The following ADCK1 variants were observed in gnomAD, a reference collection of about 807,000 sequenced individuals.
The protein encoded by ADCK1 is aarF domain-containing protein kinase 1.
ADCK1 carries 41 observed loss-of-function variants against 52.3 expected under a neutral mutation model. That is an observed-to-expected ratio of 0.78 (90% CI 0.61 to 1.02). ADCK1 has a LOEUF of 1.02. Among genes scored for constraint, ADCK1 ranks in the 50% least tolerant of loss-of-function variants. ADCK1 has a pLI of 0.00. For synonymous variants in ADCK1, 250 were observed against 274.6 expected (o/e 0.91, Z 0.89); for missense variants, 658 against 679.5 (o/e 0.97, Z 0.35).
At chr14:77,908,708 A>C (rs1353801601) in intron 7 of ADCK1, among the ~76,000 whole-genome samples, 3 of 152,156 alleles carry the variant, frequency 2.0e-5, no homozygotes, top group African/African-American at 7.2e-5. Flanking sequence ...GATCATTTTA[A>C]TAGTGTCTGC....
intron 3 of ADCK1, among the ~76,000 whole-genome samples, chr14:77,824,415 CCTTTCTTT>C (rs1162665297): frequency 9.0e-4 from 136 of 150,764 alleles, no homozygotes; most frequent in African/African-American, 3.0e-3. Context: ...AATGTCTTTT[CCTTTCTTT>C]CTTTCTTTCT....
intron 6 of ADCK1, among the ~76,000 whole-genome samples, chr14:77,903,473 A>T (rs2083592390): frequency 6.6e-6 from 1 of 152,214 alleles, no homozygotes; most frequent in Non-Finnish European, 1.5e-5. Flanking sequence ...ACAAGCACTG[A>T]ATGCAAATAT....
chr14:77,925,961 G>T lies in ADCK1; in HGVS notation c.1206G>T (p.Glu402Asp). 1 of 1,613,880 alleles carries T rather than the reference G, an allele frequency of 6.2e-7. No individual in the cohort carries two copies. The highest frequency in any genetic ancestry group is 8.5e-7 in the Non-Finnish European group (1 of 1,180,048). Residue 402 changes from glutamate to aspartate, a missense_variant and splice_region_variant, in exon 9 of 11, where the codon GAG becomes GAT. Glu to Asp is a conservative substitution (Grantham distance 45). Coordinates refer to ENST00000238561, the MANE Select transcript of ADCK1 (RefSeq NM_020421.4). Reference protein sequence around the residue: ...GISQAPVTATEDLEIRNNAAN... With the variant: ...GISQAPVTATDDLEIRNNAAN... ...GCCAAGCTCCCGTCACTGCCACTGAGGTAGGGGGCCCCTCCAGGCCCTGCC... is the reference window on the plus strand; with the variant it reads ...GCCAAGCTCCCGTCACTGCCACTGATGTAGGGGGCCCCTCCAGGCCCTGCC...
At position 77,887,199 on chromosome 14, in the gene ADCK1, C is replaced by T. The variant is rs2083176419; in HGVS notation, c.532C>T (p.Gln178Ter). The T allele has an allele frequency of 6.2e-7, 1 of 1,610,598 alleles. No individual in the cohort carries two copies. Among genetic ancestry groups the T allele is most frequent in the South Asian group, 1.1e-5 (1 of 90,514 alleles). ...TGGGCGGACGGTGGCCGTGAAGGTC[C>T]AGCACCCAAAGGTGCGGGCTCAGAG... The part of the protein sequence containing the change: ...HDGRTVAVKV[Q>*]HPKVRAQSSK... The change falls in exon 5 of 11, where the codon CAG becomes TAG. Residue 178 changes from glutamine (Q) to a stop codon, truncating the protein, a stop_gained. Transcript: ENST00000238561. LOFTEE classifies it high-confidence loss of function.
Position 77,930,130 on chromosome 14 carries a change from C to T in ADCK1, c.1207-1388C>T, listed in dbSNP as rs557427952. Among the ~76,000 whole-genome samples the T allele has an allele frequency of 4.1e-4, 63 of 152,234 alleles. 1 individual carries two copies. Among genetic ancestry groups the T allele is most frequent in the African/African-American group, 5.5e-4 (23 of 41,528 alleles). On this transcript the variant is annotated intron_variant, in intron 9 of 10. Coordinates refer to ENST00000238561, the MANE Select transcript of ADCK1 (RefSeq NM_020421.4). ...GAGGCTGTTGCCAGGCCAGTCCGACCGTGCTGAGAGGGGGGTCCCTGTGGT... is the reference window on the plus strand; with the variant it reads ...GAGGCTGTTGCCAGGCCAGTCCGACTGTGCTGAGAGGGGGGTCCCTGTGGT...
chr14:77,841,721 G>A (rs892514390), intron 3 of ADCK1, among the ~76,000 whole-genome samples: 45 of 149,656 alleles, frequency 3.0e-4, no homozygotes, highest in African/African-American at 9.6e-4. Context: ...GTGTGTGCCT[G>A]TAATCCCAGT....
intron 7 of ADCK1, among the ~76,000 whole-genome samples, chr14:77,911,789 G>C (rs1014626784): frequency 6.6e-6 from 1 of 151,234 alleles, no homozygotes; most frequent in South Asian, 2.1e-4. Context: ...TGTGTACCAG[G>C]AGCTTTCTGC....
At position 77,887,071 on chromosome 14, in the gene ADCK1, G is replaced by A; in HGVS notation, c.424-20G>A. On this transcript the variant is annotated intron_variant, in intron 4 of 10. Transcript: ENST00000238561. ...ACTGGGTCATCTTTTTCATTGCTCT[G>A]TTCTCTCCACTCCCGACAGATCCAT... 3.9e-6 allele frequency: 6 copies of A among 1,547,728 alleles called. No individual in the cohort carries two copies. In the South Asian group the frequency reaches 6.3e-5, roughly 16 times the overall value.
intron 4 of ADCK1, among the ~76,000 whole-genome samples, chr14:77,864,036 AT>A (rs2082610313): frequency 6.6e-6 from 1 of 151,990 alleles, no homozygotes; most frequent in Non-Finnish European, 1.5e-5. Flanking sequence ...GTACTCTGAA[AT>A]TTGTTTTTAT....
intron 3 of ADCK1, 37 bp downstream of exon 3, chr14:77,822,555 G>T: frequency 6.5e-7 from 1 of 1,546,174 alleles, no homozygotes; most frequent in South Asian, 1.1e-5. Flanking sequence ...GCCAGGCCAG[G>T]ACTGGATAAC....
chr14:77,869,548 G>T (rs1156443794), intron 4 of ADCK1, among the ~76,000 whole-genome samples: 1 of 152,070 alleles, frequency 6.6e-6, no homozygotes, highest in South Asian at 2.1e-4. Flanking sequence ...TCCAAATAAG[G>T]TCACATTCTA....
At chr14:77,827,350 CAAAAAAA>C (rs772586548) in intron 3 of ADCK1, among the ~76,000 whole-genome samples, 2 of 72,066 alleles carry the variant, frequency 2.8e-5, no homozygotes, top group African/African-American at 9.3e-5. Context: ...GACTCTGTCT[CAAAAAAA>C]AAAAAAAAAA....
intron 4 of ADCK1, among the ~76,000 whole-genome samples, chr14:77,879,851 A>G (rs2082983191): frequency 6.6e-6 from 1 of 152,112 alleles, no homozygotes; most frequent in South Asian, 2.1e-4. Flanking sequence ...CTCTGCCCTC[A>G]TAACTGGAGG....
intron 10 of ADCK1, 29 bp from the exon 11 acceptor site, chr14:77,933,189 CTT>C: frequency 6.2e-7 from 1 of 1,606,650 alleles, no homozygotes; most frequent in Non-Finnish European, 8.5e-7. Context: ...CTCTTTATCT[CTT>C]TTCTCCTTTT....
At position 77,883,328 on chromosome 14, in the gene ADCK1, C is replaced by G. The variant is rs962200549; in HGVS notation, c.424-3763C>G. Among the ~76,000 whole-genome samples the G allele has an allele frequency of 2.0e-5, 3 of 148,400 alleles. No homozygotes were observed. In the South Asian group the frequency reaches 6.4e-4, roughly 32 times the overall value. On this transcript the variant is annotated intron_variant, in intron 4 of 10. Coordinates refer to ENST00000238561, the MANE Select transcript of ADCK1 (RefSeq NM_020421.4). ...TTGCTGCAAATGCTGCAGTTTGTTT[C>G]TGGTAATGGTTTTCTGCTGAAAGGG...
intron 4 of ADCK1, among the ~76,000 whole-genome samples, chr14:77,870,624 C>A (rs1594978789): frequency 6.6e-6 from 1 of 152,196 alleles, no homozygotes; most frequent in African/African-American, 2.4e-5. Flanking sequence ...TAAGCTGGGG[C>A]AGGTGCCATT....
At chr14:77,898,640 G>T (rs1200387396) in intron 5 of ADCK1, among the ~76,000 whole-genome samples, 2 of 152,062 alleles carry the variant, frequency 1.3e-5, no homozygotes, top group Admixed American at 1.3e-4. Context: ...GGGCCTGTTG[G>T]GCGACGGTTG....
intron 7 of ADCK1, among the ~76,000 whole-genome samples, chr14:77,921,243 C>T (rs1435792081): frequency 2.2e-5 from 3 of 137,244 alleles, no homozygotes; most frequent in Non-Finnish European, 3.1e-5. Flanking sequence ...AGGAGAATGG[C>T]ATGAACCTGG....
chr14:77,892,570 C>G (rs1387530660), intron 5 of ADCK1, among the ~76,000 whole-genome samples: 3 of 151,384 alleles, frequency 2.0e-5, no homozygotes, highest in South Asian at 4.2e-4. Context: ...GAGCACCGCA[C>G]GTAGTCCCAA....
Sources: allele counts gnomAD v4.1 joint callset (sites outside exome capture counted in the v4.1 genomes callset), GRCh38; gene constraint gnomAD v4.1.1; transcripts MANE v1.5; gene names NCBI Gene and HGNC (gene_info 2026-07-23, HGNC 2026-07-21).